Variants in ARL14EPL observed in about 807,000 individuals in gnomAD.
ARL14EPL encodes ARF like GTPase 14 effector protein like.
In ARL14EPL, 17 loss-of-function variants were observed where a neutral mutation model predicts 15.9. That is an observed-to-expected ratio of 1.07 (90% CI 0.73 to 1.60). ARL14EPL has a LOEUF of 1.60. ARL14EPL is among the 40% of genes most tolerant of loss of function. The pLI is 0.00. For missense variants in ARL14EPL, 214 were observed against 185.9 expected, an observed-to-expected ratio of 1.15 and a Z score of -0.88; for synonymous variants, 78 against 63.8, an observed-to-expected ratio of 1.22 and a Z score of -1.06.
intron 1 of ARL14EPL, among the ~76,000 whole-genome samples, chr5:116,045,727 T>A (rs1388699467): frequency 6.7e-6 from 1 of 148,834 alleles, no homozygotes; most frequent in Non-Finnish European, 1.5e-5. Flanking sequence ...TTCACATTGT[T>A]TCATATAGAC....
At chr5:116,044,983 T>A (rs915359099) in intron 1 of ARL14EPL, among the ~76,000 whole-genome samples, 2 of 152,150 alleles carry the variant, frequency 1.3e-5, no homozygotes, top group Non-Finnish European at 2.9e-5. Flanking sequence ...CTAGTTCGTC[T>A]TCATGAGGCA....
intron 3 of ARL14EPL, among the ~76,000 whole-genome samples, chr5:116,056,182 C>T (rs935705302): frequency 5.3e-5 from 8 of 152,028 alleles, no homozygotes; most frequent in African/African-American, 1.9e-4. Context: ...ATGGCTGGGT[C>T]AAATGGTATT....
intron 1 of ARL14EPL, among the ~76,000 whole-genome samples, chr5:116,033,985 A>G (rs560593967): frequency 1.3e-5 from 2 of 152,316 alleles, no homozygotes; most frequent in Admixed American, 6.5e-5. Context: ...AACAATGCCA[A>G]GCAATGAGAT....
chr5:116,058,801 T>G lies in ARL14EPL; in HGVS notation c.313T>G (p.Cys105Gly), dbSNP rs957139273. 6.5e-7 allele frequency: 1 copy of G among 1,536,030 alleles called. No individual in the cohort carries two copies. The highest frequency in any genetic ancestry group is 8.7e-7 in the Non-Finnish European group (1 of 1,146,906). ...ADLCDCLEKN[C>G]LGCFYPCPKC... ...TCTGTGTGATTGTCTAGAGAAGAAC[T>G]GCCTGGGCTGCTTCTACCCATGCCC... Residue 105 changes from cysteine (C) to glycine (G), a missense_variant, in exon 4 of 4, where the codon TGC (cysteine) becomes GGC (glycine). By Grantham distance (159) the Cys-to-Gly change is radical. Coordinates refer to ENST00000686077, the MANE Select transcript of ARL14EPL (RefSeq NM_001195581.2).
chr5:116,051,527 C>T lies in ARL14EPL; in HGVS notation c.62C>T (p.Pro21Leu), dbSNP rs1249335957. ...GAGAGACACACAGATCATAGTTTTC[C>T]TGAGAAGAACTGTCAAATTGGACAG... Reference protein sequence around the residue: ...IQERHTDHSFPEKNCQIGQKQ... With the variant: ...IQERHTDHSFLEKNCQIGQKQ... Residue 21 changes from proline (P) to leucine (L), a missense_variant, in exon 2 of 4, where the codon CCT becomes CTT. Coordinates refer to ENST00000686077, the MANE Select transcript of ARL14EPL (RefSeq NM_001195581.2). 6.5e-7 allele frequency: 1 copy of T among 1,535,256 alleles called. No homozygotes were observed. The highest frequency in any genetic ancestry group is 1.2e-5 in the South Asian group (1 of 84,020).
chr5:116,055,650 T>A (rs915061798), intron 3 of ARL14EPL, among the ~76,000 whole-genome samples: 2 of 150,818 alleles, frequency 1.3e-5, no homozygotes, highest in African/African-American at 4.9e-5. Flanking sequence ...TATATATATA[T>A]AATTTTTTTT....
In ARL14EPL at chr5:116,045,745, AGTGTGTGTGTGTGT is replaced by A. The variant is rs56960751; in HGVS notation, c.-9-5689_-9-5676del. Among the ~76,000 whole-genome samples the A allele has an allele frequency of 6.7e-5, 10 of 148,650 alleles. No homozygotes were observed. The South Asian group carries it at 1.1e-3, about 16-fold the overall frequency. ...ACATTGTTTCATATAGACCCACAGA[AGTGTGTGTGTGTGT>A]GTGTGTGTGTGTGTGTGTGTGTATG... On this transcript the variant is annotated intron_variant, in intron 1 of 3. Transcript: ENST00000686077.
At chr5:116,034,687 T>C (rs910897442) in intron 1 of ARL14EPL, among the ~76,000 whole-genome samples, 1 of 118,978 alleles carries the variant, frequency 8.4e-6, no homozygotes, top group Non-Finnish European at 1.8e-5. Flanking sequence ...GTGGGTGATA[T>C]ACCATTTGAG....
rs7716345 is a variant in ARL14EPL, at chr5:116,040,837, C to T, written c.-10+8332C>T. ...TACAAAAAAAAAAAAAAAAATTAGT[C>T]GGGCGTGGTGGCGGGCGCCTGTAGT... On this transcript the variant is annotated intron_variant, in intron 1 of 3. Transcript: ENST00000686077. Among the ~76,000 whole-genome samples the T allele has an allele frequency of 3.3e-3, 490 of 147,880 alleles. 6 individuals are homozygous for T. Among genetic ancestry groups the T allele is most frequent in the African/African-American group, 0.012 (471 of 40,352 alleles).
chr5:116,050,556 G>A (rs75175585), intron 1 of ARL14EPL, among the ~76,000 whole-genome samples: 1,980 of 152,302 alleles, frequency 0.013, 39 homozygotes, highest in African/African-American at 0.045. Flanking sequence ...TTTCCAATTG[G>A]TCAGCAGAGA....
intron 1 of ARL14EPL, among the ~76,000 whole-genome samples, chr5:116,045,786 G>A (rs1226096279): frequency 2.8e-5 from 4 of 145,364 alleles, no homozygotes; most frequent in African/African-American, 1.0e-4. Context: ...GTGTGTATGT[G>A]TACGAAAATA....
At chr5:116,033,436 A>G (rs919157099) in intron 1 of ARL14EPL, among the ~76,000 whole-genome samples, 3 of 152,214 alleles carry the variant, frequency 2.0e-5, no homozygotes, top group Non-Finnish European at 4.4e-5. Flanking sequence ...GAGGTAGACT[A>G]TGCTAAGCTA....
At chr5:116,052,433 C>A (rs1402475628) in intron 2 of ARL14EPL, 2 of 612,556 alleles carry the variant, frequency 3.3e-6, no homozygotes, top group South Asian at 2.0e-5. Flanking sequence ...CTCATCTAAT[C>A]CTTATCACAC....
At chr5:116,048,171 CTT>C (rs1749308223) in intron 1 of ARL14EPL, among the ~76,000 whole-genome samples, 1 of 152,186 alleles carries the variant, frequency 6.6e-6, no homozygotes, top group Admixed American at 6.5e-5. Flanking sequence ...TGTTAGAACA[CTT>C]TATGGGTCTT....
chr5:116,057,681 T>A (rs12719211), intron 3 of ARL14EPL, among the ~76,000 whole-genome samples: 98,881 of 152,088 alleles, frequency 0.65, 34,043 homozygotes, highest in Non-Finnish European at 0.79. Flanking sequence ...TAAAGCGTGA[T>A]CATCAGGCAG....
At chr5:116,058,619 G>C (rs1561582487) in intron 3 of ARL14EPL, 106 bp from the exon 4 acceptor site, 2 of 1,067,106 alleles carry the variant, frequency 1.9e-6, no homozygotes, top group South Asian at 3.0e-5. Flanking sequence ...TGGAGTTCTG[G>C]GTCAGGGTAA....
intron 3 of ARL14EPL, among the ~76,000 whole-genome samples, chr5:116,055,820 C>T (rs1379830152): frequency 1.3e-5 from 2 of 152,006 alleles, no homozygotes; most frequent in Admixed American, 6.6e-5. Flanking sequence ...ACAACAGGCC[C>T]CAGTGTGTGA....
chr5:116,037,854 G>A (rs1749075422), intron 1 of ARL14EPL, among the ~76,000 whole-genome samples: 2 of 152,174 alleles, frequency 1.3e-5, no homozygotes, highest in Admixed American at 1.3e-4. Context: ...GTTTTAGTTG[G>A]TGGTTTTTAT....
rs756291811 is a variant in ARL14EPL, at chr5:116,058,795, A to T, written c.307A>T (p.Lys103Ter). The change falls in exon 4 of 4, where the codon AAG (lysine) becomes TAG (stop). Residue 103 changes from lysine to a stop codon, truncating the protein, a stop_gained. Coordinates refer to ENST00000686077, the MANE Select transcript of ARL14EPL (RefSeq NM_001195581.2). LOFTEE classifies it high-confidence loss of function. ...NDADLCDCLEKNCLGCFYPCP... is the reference protein window; with the variant it reads ...NDADLCDCLE ...CGCTGATCTGTGTGATTGTCTAGAG[A>T]AGAACTGCCTGGGCTGCTTCTACCC... The T allele has an allele frequency of 7.6e-5, 117 of 1,535,818 alleles. 1 individual carries two copies. In the Middle Eastern group the frequency reaches 1.4e-3, roughly 18 times the overall value.
Sources: allele counts gnomAD v4.1 joint callset (sites outside exome capture counted in the v4.1 genomes callset), GRCh38; gene constraint gnomAD v4.1.1; transcripts MANE v1.5; gene names NCBI Gene and HGNC (gene_info 2026-07-23, HGNC 2026-07-21).